The following CDA variants were observed in gnomAD, a reference collection of about 807,000 sequenced individuals.
The protein encoded by CDA is cytidine deaminase.
A neutral mutation model predicts 15.0 loss-of-function variants in CDA; 7 were observed. The observed-to-expected ratio is 0.47, with a 90% confidence interval of 0.26 to 0.87. CDA has a LOEUF of 0.87. Among genes scored for constraint, CDA ranks in the 40% least tolerant of loss-of-function variants. CDA has a pLI of 0.15. For missense variants in CDA, 159 were observed against 182.7 expected, an observed-to-expected ratio of 0.87 and a Z score of 0.75; for synonymous variants, 58 against 73.0, an observed-to-expected ratio of 0.79 and a Z score of 1.05.
chr1:20,593,655 G>A (rs888294535), intron 1 of CDA, among the ~76,000 whole-genome samples: 1 of 152,208 alleles, frequency 6.6e-6, no homozygotes, highest in African/African-American at 2.4e-5. Context: ...GTTCACTGCA[G>A]TCTCAAACCC....
At chr1:20,615,747 G>C (rs1273800657) in intron 3 of CDA, among the ~76,000 whole-genome samples, 1 of 151,658 alleles carries the variant, frequency 6.6e-6, no homozygotes, top group Non-Finnish European at 1.5e-5. Flanking sequence ...ACACCTGTAA[G>C]CCCTGCACTT....
rs142794294 is a variant in CDA at position 20,591,958 on chromosome 1, C to T, written c.154+2675C>T. Among the ~76,000 whole-genome samples the T allele has an allele frequency of 5.3e-5, 8 of 152,056 alleles. No homozygotes were observed. In the East Asian group the frequency reaches 1.2e-3, roughly 22 times the overall value. On this transcript the variant is annotated intron_variant, in intron 1 of 3. Transcript: ENST00000375071. The stretch of plus-strand genomic sequence containing the variant: ...GCCCAGGTTCAAGCGATTCTCCTGC[C>T]TCAGCCTCAGAGTAGCTGGGATTAC...
In CDA at chr1:20,613,769, A is replaced by G. The variant is rs532451860; in HGVS notation, c.267-73A>G. 190 of 1,394,762 alleles carry G rather than the reference A, an allele frequency of 1.4e-4. 2 individuals are homozygous for G. The South Asian group carries it at 2.1e-3, about 15-fold the overall frequency. 86.4% of individuals were successfully genotyped at this position (1,394,762 alleles called of 1,614,324 possible). On this transcript the variant is annotated intron_variant, in intron 2 of 3. Transcript: ENST00000375071. ...CCAAATCAGGAACAGACCGAGTCTC[A>G]GGGCCTGAATCTTAGCAATTGTCCT...
intron 1 of CDA, among the ~76,000 whole-genome samples, chr1:20,603,450 C>T (rs1381776990): frequency 6.6e-6 from 1 of 152,204 alleles, no homozygotes; most frequent in Non-Finnish European, 1.5e-5. Flanking sequence ...CCCATCACCT[C>T]CACCTTCCAG....
At chr1:20,602,473 G>C (rs796301712) in intron 1 of CDA, among the ~76,000 whole-genome samples, 3 of 152,196 alleles carry the variant, frequency 2.0e-5, no homozygotes, top group African/African-American at 7.2e-5. Flanking sequence ...GCCCAGGCTG[G>C]AGCGCAGTGG....
At chr1:20,617,983 C>G (rs886881344) in intron 3 of CDA, among the ~76,000 whole-genome samples, 1 of 152,072 alleles carries the variant, frequency 6.6e-6, no homozygotes, top group African/African-American at 2.4e-5. Flanking sequence ...AGGCGTGCGC[C>G]ACAACACCCG....
intron 3 of CDA, among the ~76,000 whole-genome samples, chr1:20,617,897 T>C (rs1029655464): frequency 2.0e-5 from 3 of 152,054 alleles, no homozygotes; most frequent in African/African-American, 7.2e-5. Context: ...AGTTTCACCA[T>C]GTTGGCCAGG....
chr1:20,589,243 G>C lies in CDA; in HGVS notation c.114G>C (p.Val38=). The C allele has an allele frequency of 1.9e-6, 3 of 1,613,698 alleles. No individual in the cohort carries two copies. The highest frequency in any genetic ancestry group is 2.5e-6 in the Non-Finnish European group (3 of 1,179,690). ...ACTGCCCCTACAGTCACTTTCCTGT[G>C]GGGGCTGCCCTGCTCACCCAGGAGG... The part of the protein sequence containing the change: ...SAYCPYSHFP[V]GAALLTQEGR... Residue 38 remains valine (V), a synonymous_variant, in exon 1 of 4, where the codon GTG becomes GTC. Transcript: ENST00000375071.
At chr1:20,616,959 C>G (rs927853991) in intron 3 of CDA, among the ~76,000 whole-genome samples, 4 of 152,168 alleles carry the variant, frequency 2.6e-5, no homozygotes, top group Admixed American at 2.6e-4. Context: ...CCAACATAAT[C>G]AATAAGAATG....
Position 20,618,863 on chromosome 1 carries a change from G to A in CDA, c.*295G>A, listed in dbSNP as rs867618532. Reference sequence around the variant, plus strand: ...CCTTCCCAAGGTTCTATCCTGTTCCGAGCAACTTTTCTAATTATAAACATC... The same window carrying A: ...CCTTCCCAAGGTTCTATCCTGTTCCAAGCAACTTTTCTAATTATAAACATC... On this transcript the variant is annotated 3_prime_UTR_variant, in exon 4 of 4. Coordinates refer to ENST00000375071, the MANE Select transcript of CDA (RefSeq NM_001785.3). The A allele has an allele frequency of 1.7e-5, 7 of 402,994 alleles. No homozygotes were observed. Among genetic ancestry groups the A allele is most frequent in the Middle Eastern group, 7.6e-4 (1 of 1,308 alleles). 25.0% of individuals were successfully genotyped at this position (402,994 alleles called of 1,614,324 possible).
chr1:20,614,127 G>A (rs2154532855), intron 3 of CDA, among the ~76,000 whole-genome samples: 1 of 152,268 alleles, frequency 6.6e-6, no homozygotes, highest in South Asian at 2.1e-4. Context: ...TTTGTGCCAG[G>A]CCCTGAGGTA....
rs754045703 is a variant in CDA at position 20,618,433 on chromosome 1, A to G, written c.325-19A>G. ...TCAGCCACGCTGTGTCTCTCACGCC[A>G]GCTTTGCCTCTTTTCCAGTTTGGCA... On this transcript the variant is annotated intron_variant, in intron 3 of 3. Coordinates refer to ENST00000375071, the MANE Select transcript of CDA (RefSeq NM_001785.3). 2.0e-6 allele frequency: 3 copies of G among 1,500,786 alleles called. No individual in the cohort carries two copies. The highest frequency in any genetic ancestry group is 1.7e-5 in the Admixed American group (1 of 58,752). The allele number at this position is 1,500,786 out of a possible 1,614,324, so 93.0% of individuals were successfully genotyped here.
intron 1 of CDA, among the ~76,000 whole-genome samples, chr1:20,595,494 CT>C (rs1322939011): frequency 6.6e-6 from 1 of 152,150 alleles, no homozygotes; most frequent in Non-Finnish European, 1.5e-5. Flanking sequence ...ACCACAGCAT[CT>C]CTGGTCTAGG....
chr1:20,613,851 A>C lies in CDA; in HGVS notation c.276A>C (p.Gln92His), dbSNP rs185887552. ...TTCTTTGCTTCCCCAGTGACATGCA[A>C]GATGATTTTATCTCTCCATGTGGGG... ...FRAIAIASDM[Q>H]DDFISPCGAC... The change falls in exon 3 of 4, where the codon CAA becomes CAC. Residue 92 changes from glutamine to histidine, a missense_variant. Transcript: ENST00000375071. The C allele has an allele frequency of 7.4e-6, 12 of 1,614,032 alleles. 1 individual carries two copies. The East Asian group carries it at 2.7e-4, about 36-fold the overall frequency.
At chr1:20,615,219 C>T in intron 3 of CDA, among the ~76,000 whole-genome samples, 1 of 151,894 alleles carries the variant, frequency 6.6e-6, no homozygotes, top group East Asian at 1.9e-4. Context: ...TATTTTATCA[C>T]ATTATATACA....
At chr1:20,616,877 C>T (rs779714384) in intron 3 of CDA, among the ~76,000 whole-genome samples, 4 of 152,028 alleles carry the variant, frequency 2.6e-5, no homozygotes, top group Admixed American at 6.6e-5. Context: ...TGAGTGTGCC[C>T]GGGAATAACT....
intron 1 of CDA, among the ~76,000 whole-genome samples, chr1:20,595,586 C>T (rs527719797): frequency 4.1e-4 from 63 of 152,292 alleles, no homozygotes; most frequent in African/African-American, 1.4e-3. Context: ...TTTCCCCCTG[C>T]CAAGGAACTT....
chr1:20,616,554 G>C (rs2052814529), intron 3 of CDA, among the ~76,000 whole-genome samples: 1 of 152,108 alleles, frequency 6.6e-6, no homozygotes, highest in African/African-American at 2.4e-5. Flanking sequence ...AATGTCGAAG[G>C]TCATATAAGG....
At chr1:20,593,882 C>T (rs143201465) in intron 1 of CDA, among the ~76,000 whole-genome samples, 4 of 152,192 alleles carry the variant, frequency 2.6e-5, no homozygotes, top group Non-Finnish European at 5.9e-5. Context: ...GCCTGTTTAT[C>T]ATTCACACAT....
Sources: allele counts gnomAD v4.1 joint callset (sites outside exome capture counted in the v4.1 genomes callset), GRCh38; gene constraint gnomAD v4.1.1; transcripts MANE v1.5; gene names NCBI Gene and HGNC (gene_info 2026-07-23, HGNC 2026-07-21).